The following CPXM2 variants were observed in gnomAD, a reference collection of about 807,000 sequenced individuals.
CPXM2 encodes inactive carboxypeptidase-like protein X2.
CPXM2 carries 66 observed loss-of-function variants against 86.1 expected under a neutral mutation model. That is an observed-to-expected ratio of 0.77 (90% CI 0.63 to 0.94). CPXM2 has a LOEUF of 0.94. Among genes scored for constraint, CPXM2 ranks in the 40% least tolerant of loss-of-function variants. CPXM2 has a pLI of 0.00. For missense variants in CPXM2, 948 were observed against 1,026.3 expected (o/e 0.92, Z 1.04); for synonymous variants, 388 against 400.2 (o/e 0.97, Z 0.36).
At chr10:123,821,014 ACT>A (rs1410820144) in intron 4 of CPXM2, among the ~76,000 whole-genome samples, 1 of 151,936 alleles carries the variant, frequency 6.6e-6, no homozygotes, top group Non-Finnish European at 1.5e-5. Flanking sequence ...CAAGAACCCC[ACT>A]CTGATTCTGG....
chr10:123,747,921 C>CAAAAAAAAA (rs59206856), intron 13 of CPXM2, among the ~76,000 whole-genome samples: 17 of 72,022 alleles, frequency 2.4e-4, no homozygotes, highest in Non-Finnish European at 2.7e-4. Context: ...GACTCTGTCT[C>CAAAAAAAAA]AAAAAAAAAA....
chr10:123,881,418 A>G (rs903067801), intron 1 of CPXM2, among the ~76,000 whole-genome samples: 2 of 151,810 alleles, frequency 1.3e-5, no homozygotes, highest in Non-Finnish European at 2.9e-5. Context: ...GTAGAGCCTG[A>G]TGCAGGGCTT....
At chr10:123,788,229 G>A (rs980823322) in intron 6 of CPXM2, among the ~76,000 whole-genome samples, 8 of 146,574 alleles carry the variant, frequency 5.5e-5, no homozygotes, top group South Asian at 2.2e-4. Flanking sequence ...GCAGTGAGCC[G>A]AGATCATGCC....
At chr10:123,918,866 CTCTT>C (rs1419978430) in intron 2 of CPXM2, among the ~76,000 whole-genome samples, 1 of 152,138 alleles carries the variant, frequency 6.6e-6, no homozygotes. Flanking sequence ...CTGTTATCTC[CTCTT>C]TCTTTTTTTC....
chr10:123,769,656 C>T (rs979725934), intron 8 of CPXM2: 1 of 152,148 alleles, frequency 6.6e-6, no homozygotes, highest in African/African-American at 2.4e-5. Flanking sequence ...TAAAAGGGCT[C>T]CAGAGAACTA....
intron 13 of CPXM2, chr10:123,751,969 T>C: frequency 2.0e-6 from 2 of 985,452 alleles, no homozygotes; most frequent in Non-Finnish European, 2.4e-6. Flanking sequence ...GTATTCTATC[T>C]TGGCTTATGA....
At chr10:123,898,741 C>G (rs1485620313) in intron 2 of CPXM2, among the ~76,000 whole-genome samples, 1 of 152,140 alleles carries the variant, frequency 6.6e-6, no homozygotes, top group African/African-American at 2.4e-5. Context: ...AGAAAGTTTT[C>G]TTTCTTTCTT....
At chr10:123,859,900 G>A (rs1237493065) in intron 3 of CPXM2, among the ~76,000 whole-genome samples, 1 of 152,158 alleles carries the variant, frequency 6.6e-6, no homozygotes, top group East Asian at 1.9e-4. Flanking sequence ...GCTCCCTGCT[G>A]GACGCCCCAT....
At chr10:123,940,178 C>G (rs1181809533) in exon 1 of CPXM2, 6 of 152,272 alleles carry the variant, frequency 3.9e-5, no homozygotes, top group Non-Finnish European at 7.3e-5. Context: ...GCCATCAGGG[C>G]AGGGAGGAGG....
In CPXM2 at chr10:123,752,496, G is replaced by A. The variant is rs945702685; in HGVS notation, c.2017+2167C>T. 2.9e-5 allele frequency: 29 copies of A among 985,216 alleles called. No homozygotes were observed. In the Admixed American group the frequency reaches 4.9e-4, roughly 17 times the overall value. The allele number at this position is 985,216 out of a possible 1,614,324, so 61.0% of individuals were successfully genotyped here. On this transcript the variant is annotated intron_variant, in intron 13 of 13. Transcript: ENST00000241305. ...CCCATTTACATATTTGGTCTTTTATGCCAGGCCCACTGCTAGGGAGCCTGG... is the reference window on the plus strand; with the variant it reads ...CCCATTTACATATTTGGTCTTTTATACCAGGCCCACTGCTAGGGAGCCTGG...
At chr10:123,856,713 TC>T (rs1380673893) in intron 3 of CPXM2, among the ~76,000 whole-genome samples, 2 of 150,978 alleles carry the variant, frequency 1.3e-5, no homozygotes, top group Non-Finnish European at 3.0e-5. Flanking sequence ...TGCCTCAACC[TC>T]CCAAGTAGCT....
intron 13 of CPXM2, chr10:123,751,578 C>A: frequency 1.0e-6 from 1 of 985,368 alleles, no homozygotes; most frequent in Non-Finnish European, 1.2e-6. Context: ...AAAGGACAGG[C>A]ATGTGGAACG....
chr10:123,902,852 C>T (rs1316728878), intron 2 of CPXM2, among the ~76,000 whole-genome samples: 1 of 152,200 alleles, frequency 6.6e-6, no homozygotes, highest in African/African-American at 2.4e-5. Flanking sequence ...TGTCATTCTT[C>T]ATGATGATTG....
intron 2 of CPXM2, among the ~76,000 whole-genome samples, chr10:123,902,640 A>G (rs1945394503): frequency 6.6e-6 from 1 of 152,190 alleles, no homozygotes; most frequent in Non-Finnish European, 1.5e-5. Flanking sequence ...TGGAAGGGGC[A>G]CACAAGCACC....
rs566736452 is a variant in CPXM2, at chr10:123,809,612, T to C, written c.654-10413A>G. 2.0e-5 allele frequency among the ~76,000 whole-genome samples: 3 copies of C among 152,246 alleles called. No homozygotes were observed. The Middle Eastern group carries it at 0.01, about 518-fold the overall frequency. ...TAGATAACATACACACACACATACA[T>C]ATACATAAATTGACTTAAGTATCAC... On this transcript the variant is annotated intron_variant, in intron 4 of 13. Transcript: ENST00000241305.
intron 10 of CPXM2, 29 bp from the exon 11 acceptor site, chr10:123,762,198 A>C: frequency 6.2e-7 from 1 of 1,614,052 alleles, no homozygotes; most frequent in Non-Finnish European, 8.5e-7. Context: ...GACGAGTAAA[A>C]TAAGCAGGAA....
At position 123,746,411 on chromosome 10, in the gene CPXM2, C is replaced by T. The variant is rs563879671; in HGVS notation, c.*353G>A. 1.5e-4 allele frequency: 41 copies of T among 273,156 alleles called. No homozygotes were observed. Among genetic ancestry groups the T allele is most frequent in the African/African-American group, 7.1e-4 (32 of 45,326 alleles). 16.9% of individuals were successfully genotyped at this position (273,156 alleles called of 1,614,324 possible). ...AATGCACGTGGAACCCTTGCTGCCA[C>T]GCAAACAGGGGAAGCACCAGAATCC... On this transcript the variant is annotated 3_prime_UTR_variant, in exon 14 of 14. Coordinates refer to ENST00000241305, the MANE Select transcript of CPXM2 (RefSeq NM_198148.3).
chr10:123,822,202 C>G (rs568394260), intron 4 of CPXM2, among the ~76,000 whole-genome samples: 2 of 152,352 alleles, frequency 1.3e-5, no homozygotes, highest in Admixed American at 1.3e-4. Flanking sequence ...CACAATTTAT[C>G]CTCAAGTGTC....
At chr10:123,759,360 C>A (rs1044069513) in intron 11 of CPXM2, among the ~76,000 whole-genome samples, 3 of 152,034 alleles carry the variant, frequency 2.0e-5, no homozygotes, top group African/African-American at 7.3e-5. Context: ...GAAATAAATG[C>A]GATATTTAAA....
Sources: gnomAD v4.1 joint callset for allele counts (sites outside exome capture counted in the v4.1 genomes callset) on GRCh38, gnomAD v4.1.1 for gene constraint, MANE v1.5 for transcripts, NCBI Gene and HGNC (gene_info 2026-07-23, HGNC 2026-07-21) for gene names.